Variants in WFS1 observed in about 807,000 individuals in gnomAD.
The protein encoded by WFS1 is wolframin.
A neutral mutation model predicts 68.5 loss-of-function variants in WFS1; 90 were observed. The observed-to-expected ratio is 1.31, with a 90% CI of 1.11 to 1.56. WFS1 has a LOEUF of 1.56. Ranked by LOEUF, WFS1 falls within the 40% of genes most tolerant of loss-of-function variation. The pLI is 0.00. For synonymous variants in WFS1, 860 were observed against 540.7 expected (o/e 1.59, Z -8.19); for missense variants, 1,767 against 1,232.6 (o/e 1.43, Z -6.49).
intron 4 of WFS1, 50 bp from the exon 5 acceptor site, chr4:6,291,147 G>A (rs748567015): frequency 3.2e-5 from 52 of 1,602,750 alleles, no homozygotes; most frequent in East Asian, 1.6e-4. Flanking sequence ...GAGTGGCACC[G>A]AAAGCCTAGG....
At position 6,289,004 on chromosome 4, in the gene WFS1, G is replaced by A. The variant is rs542248161; in HGVS notation, c.333G>A (p.Leu111=). The part of the protein sequence containing the change: ...KAQTEVGKHY[L]QLAGDTDEEL... ...GCTTGCAGGTGGGGAAGCACTACCT[G>A]CAGTTGGCCGGCGACACGGATGAAG... Residue 111 remains leucine (L), a synonymous_variant, in exon 4 of 8, where the codon CTG becomes CTA. Coordinates refer to ENST00000226760, the MANE Select transcript of WFS1 (RefSeq NM_006005.3). 2.5e-6 allele frequency: 4 copies of A among 1,608,632 alleles called. No homozygotes were observed. The highest frequency in any genetic ancestry group is 1.1e-5 in the South Asian group (1 of 89,580).
chr4:6,273,033 C>A (rs918870172), intron 1 of WFS1, among the ~76,000 whole-genome samples: 1 of 152,256 alleles, frequency 6.6e-6, no homozygotes, highest in South Asian at 2.1e-4. Flanking sequence ...GGACTGGCAT[C>A]CTGGAGGCAG....
At chr4:6,274,397 A>T (rs1729931347) in intron 1 of WFS1, among the ~76,000 whole-genome samples, 1 of 151,448 alleles carries the variant, frequency 6.6e-6, no homozygotes, top group Non-Finnish European at 1.5e-5. Flanking sequence ...TCTGCCACAC[A>T]CGTAATCCCC....
rs1184170054 is a variant in WFS1 at position 6,287,088 on chromosome 4, T to TA, written c.233-2dup. ...ACATGTGTGTTTGTTTCTTCTGTGTTAAAGGGCCTACAAAGGGAGACATGG... is the reference window on the plus strand; with the variant it reads ...ACATGTGTGTTTGTTTCTTCTGTGTTAAAAGGGCCTACAAAGGGAGACATGG... On this transcript the variant is annotated splice_polypyrimidine_tract_variant and splice_region_variant and intron_variant, in intron 2 of 7. Transcript: ENST00000226760. The surrounding 1 kb of genome is among the most constrained non-coding windows in gnomAD (Gnocchi z 6.4). 1.3e-6 allele frequency: 2 copies of TA among 1,555,050 alleles called. No homozygotes were observed. Among genetic ancestry groups the TA allele is most frequent in the Admixed American group, 3.9e-5 (2 of 51,068 alleles).
intron 3 of WFS1, 142 bp from the exon 4 acceptor site, chr4:6,288,845 A>G (rs1289131509): frequency 4.8e-6 from 6 of 1,262,970 alleles, no homozygotes; most frequent in Admixed American, 4.0e-5. Flanking sequence ...CCTAGTGGAC[A>G]TGCCTGGTGT....
In WFS1 at chr4:6,291,259, G is replaced by A. The variant is rs1312758692; in HGVS notation, c.523G>A (p.Ala175Thr). The change falls in exon 5 of 8, where the codon GCC (alanine) becomes ACC (threonine). Residue 175 changes from alanine to threonine, a missense_variant. Physicochemically the swap from Ala to Thr is moderately conservative, Grantham distance 58. Coordinates refer to ENST00000226760, the MANE Select transcript of WFS1 (RefSeq NM_006005.3). Reference protein sequence around the residue: ...QLSSETDLERAVRKAALVMYW... With the variant: ...QLSSETDLERTVRKAALVMYW... ...CTCCTCCGAGACCGACCTGGAGAGGGCCGTGCGCAAGGCAGCCCTGGTCAT... is the reference window on the plus strand; with the variant it reads ...CTCCTCCGAGACCGACCTGGAGAGGACCGTGCGCAAGGCAGCCCTGGTCAT... 3 of 1,613,340 alleles carry A rather than the reference G, an allele frequency of 1.9e-6. No homozygotes were observed. Among genetic ancestry groups the A allele is most frequent in the Non-Finnish European group, 2.5e-6 (3 of 1,180,004 alleles).
chr4:6,276,230 G>A (rs752616265), intron 1 of WFS1, among the ~76,000 whole-genome samples: 17 of 152,302 alleles, frequency 1.1e-4, no homozygotes, highest in South Asian at 2.1e-4. Flanking sequence ...CACCCCTAAC[G>A]CCGCTCATCC....
At chr4:6,294,978 T>C in intron 6 of WFS1, 63 bp from the exon 7 acceptor site, 1 of 1,611,204 alleles carries the variant, frequency 6.2e-7, no homozygotes, top group African/African-American at 1.3e-5. Flanking sequence ...CCCATTGCTC[T>C]GTGTGAGGGT....
In WFS1 at chr4:6,301,067, G is replaced by A. The variant is rs1301493996; in HGVS notation, c.1272G>A (p.Lys424=). The A allele has an allele frequency of 3.7e-6, 6 of 1,614,146 alleles. No homozygotes were observed. In the East Asian group the frequency reaches 1.1e-4, roughly 30 times the overall value. Residue 424 remains lysine, a synonymous_variant, in exon 8 of 8, where the codon AAG becomes AAA. Coordinates refer to ENST00000226760, the MANE Select transcript of WFS1 (RefSeq NM_006005.3). ...FVIFSFPIAS[K]DCIPCSELAV... is the part of the protein sequence containing the mutation. ...TCTTCTCCTTCCCCATCGCCAGCAA[G>A]GACTGCATCCCCTGCTCGGAGCTGG... is the stretch of plus-strand genomic sequence containing the variant.
chr4:6,271,007 G>A (rs2109103860), intron 1 of WFS1, among the ~76,000 whole-genome samples: 1 of 152,320 alleles, frequency 6.6e-6, no homozygotes, highest in Non-Finnish European at 1.5e-5. Flanking sequence ...CCTGGCATTT[G>A]GCCCAGGGCT....
chr4:6,292,661 T>A (rs1730499104), intron 6 of WFS1, among the ~76,000 whole-genome samples: 2 of 151,974 alleles, frequency 1.3e-5, no homozygotes, highest in South Asian at 4.2e-4. Flanking sequence ...GCTCCTGTCC[T>A]GGAGAAGATA....
intron 7 of WFS1, among the ~76,000 whole-genome samples, chr4:6,299,348 G>A (rs1435690093): frequency 2.6e-5 from 4 of 152,196 alleles, no homozygotes; most frequent in Admixed American, 1.3e-4. Flanking sequence ...GCAGAGCAGG[G>A]GAGCAGGACC....
intron 3 of WFS1, 101 bp from the exon 4 acceptor site, chr4:6,288,886 T>G (rs1730384587): frequency 6.5e-7 from 1 of 1,530,354 alleles, no homozygotes; most frequent in East Asian, 2.4e-5. Flanking sequence ...CTTCCTGGCC[T>G]GGGTGACAAA....
rs1249481992 is a variant in WFS1 at position 6,277,638 on chromosome 4, T to C, written c.183T>C (p.Ala61=). The C allele has an allele frequency of 6.4e-7, 1 of 1,568,534 alleles. No individual in the cohort carries two copies. The highest frequency in any genetic ancestry group is 8.6e-7 in the Non-Finnish European group (1 of 1,157,244). ...GTGTTAGAGACGCAGCGGCCCCCGC[T>C]GAACCCCAGGCCCAGCATACCAGGA... ...GPGVRDAAAP[A]EPQAQHTRSR... Residue 61 remains alanine, a synonymous_variant, in exon 2 of 8, where the codon GCT becomes GCC. Transcript: ENST00000226760.
In WFS1 at chr4:6,301,863, T is replaced by C. The variant is rs754373473; in HGVS notation, c.2068T>C (p.Cys690Arg). ...CAACATGGCGCGCACCCAGATCCTCTGCAGCCACCTGGAGGGCCACAGGGT... is the reference window on the plus strand; with the variant it reads ...CAACATGGCGCGCACCCAGATCCTCCGCAGCCACCTGGAGGGCCACAGGGT... ...ETNMARTQIL[C>R]SHLEGHRVTW... Residue 690 changes from cysteine (C) to arginine (R), a missense_variant, in exon 8 of 8, where the codon TGC becomes CGC. Cys to Arg is a radical substitution (Grantham distance 180, BLOSUM62 -3). Transcript: ENST00000226760. 6.2e-6 allele frequency: 10 copies of C among 1,612,946 alleles called. No individual in the cohort carries two copies. Among genetic ancestry groups the C allele is most frequent in the Non-Finnish European group, 8.5e-6 (10 of 1,179,820 alleles).
chr4:6,277,397 G>A, intron 1 of WFS1, 54 bp from the exon 2 acceptor site: 1 of 1,507,262 alleles, frequency 6.6e-7, no homozygotes, highest in East Asian at 2.5e-5. Context: ...GACACTAAGT[G>A]CCAGAGCGGG....
In WFS1 at chr4:6,301,644, A is replaced by G; in HGVS notation, c.1849A>G (p.Ser617Gly). 2 of 1,613,986 alleles carry G rather than the reference A, an allele frequency of 1.2e-6. No homozygotes were observed. The highest frequency in any genetic ancestry group is 1.7e-6 in the Non-Finnish European group (2 of 1,179,956). The change falls in exon 8 of 8, where the codon AGC becomes GGC. Residue 617 changes from serine to glycine, a missense_variant. Coordinates refer to ENST00000226760, the MANE Select transcript of WFS1 (RefSeq NM_006005.3). ...GCTGTTGCGCTGGTGGACCAAGGCC[A>G]GCTTCTCTGTGGTGGGGATGGTGAA... ...PLLLRWWTKA[S>G]FSVVGMVKSL...
intron 6 of WFS1, among the ~76,000 whole-genome samples, chr4:6,293,676 A>G (rs1159510414): frequency 6.6e-6 from 1 of 152,168 alleles, no homozygotes; most frequent in Non-Finnish European, 1.5e-5. Context: ...TGGGGTCCCT[A>G]GACTGATGTC....
chr4:6,289,231 G>T, intron 4 of WFS1, 100 bp downstream of exon 4: 1 of 1,440,588 alleles, frequency 6.9e-7, no homozygotes, highest in Non-Finnish European at 9.3e-7. Flanking sequence ...CCTAACGCTG[G>T]TGATGCTGTT....
Sources: allele counts gnomAD v4.1 joint callset (sites outside exome capture counted in the v4.1 genomes callset), GRCh38; gene constraint gnomAD v4.1.1; non-coding constraint Gnocchi (gnomAD v3.1); transcripts MANE v1.5; gene names NCBI Gene and HGNC (gene_info 2026-07-23, HGNC 2026-07-21).